ITFG2: variants seen among roughly 807,000 people sequenced by gnomAD.
ITFG2 encodes the protein integrin alpha FG-GAP repeat containing 2, also known as KICSTOR complex protein ITFG2.
Under a neutral mutation model 54.4 loss-of-function variants are expected in ITFG2, and 36 were observed. That is an observed-to-expected ratio of 0.66 (90% CI 0.51 to 0.87). The LOEUF is 0.87. ITFG2 is among the 40% of genes least tolerant of loss of function. The pLI is 0.00. For missense variants in ITFG2, 524 were observed against 576.7 expected, an observed-to-expected ratio of 0.91 and a Z score of 0.94; for synonymous variants, 211 against 225.4, an observed-to-expected ratio of 0.94 and a Z score of 0.57.
At chr12:2,832,960 G>C (rs1302842682), upstream of ITFG2, among the ~76,000 whole-genome samples, 1 of 151,946 alleles carries the variant, frequency 6.6e-6, no homozygotes, top group East Asian at 2.0e-4. Flanking sequence ...GGAGAGACTG[G>C]CTCTGCACTT....
At chr12:2,820,628 G>GGGCCCCCCCCCC in intron 5 of ITFG2, 96 bp from the exon 6 acceptor site, 1 of 251,778 alleles carries the variant, frequency 4.0e-6, no homozygotes, top group Non-Finnish European at 7.9e-6. Context: ...CCCTGCCCCT[G>GGGCCCCCCCCCC]CCCCCGCCCC....
intron 2 of ITFG2, chr12:2,830,567 T>A: frequency 1.2e-6 from 1 of 842,438 alleles, no homozygotes; most frequent in Non-Finnish European, 1.8e-6. Flanking sequence ...AGGTAGAGGA[T>A]CCTGGTTAGG....
intron 2 of ITFG2, chr12:2,856,833 C>G (rs1267513907): frequency 4.6e-6 from 3 of 658,208 alleles, no homozygotes; most frequent in East Asian, 2.7e-5. Flanking sequence ...AAGGGGAAGA[C>G]AGCAGAAAAT....
intron 2 of ITFG2, 150 bp downstream of exon 2, chr12:2,817,468 G>C (rs755715039): frequency 4.1e-5 from 25 of 608,438 alleles, no homozygotes; most frequent in Non-Finnish European, 7.0e-5. Context: ...ATTTGATTCA[G>C]GGAGGGCAGC....
chr12:2,851,407 A>G (rs1351160476), intron 2 of ITFG2, among the ~76,000 whole-genome samples: 2 of 152,126 alleles, frequency 1.3e-5, no homozygotes, highest in African/African-American at 2.4e-5. Context: ...AGTGGCCATG[A>G]TCTTGGCTCA....
In ITFG2 at chr12:2,824,406, T is replaced by C; in HGVS notation, c.*213T>C. On this transcript the variant is annotated 3_prime_UTR_variant, in exon 12 of 12. Transcript: ENST00000228799. ...AAGAGACAAGTTGACCCTCTGCCCA[T>C]TTCCTTATGGACCTCACCCATCATG... The C allele has an allele frequency of 1.6e-6, 1 of 631,330 alleles. No individual in the cohort carries two copies. The highest frequency in any genetic ancestry group is 2.9e-6 in the Non-Finnish European group (1 of 344,358). The allele number at this position is 631,330 out of a possible 1,614,324, so 39.1% of individuals were successfully genotyped here. A position where few individuals can be genotyped will look rare whatever the true frequency, so the allele number is the denominator to read the frequency against.
At chr12:2,856,754 G>C (rs1765556065) in intron 2 of ITFG2, among the ~76,000 whole-genome samples, 2 of 152,190 alleles carry the variant, frequency 1.3e-5, no homozygotes, top group Admixed American at 6.5e-5. Context: ...GGTGGGGCTG[G>C]GAGATGTGGC....
chr12:2,830,619 C>T, intron 2 of ITFG2: 2 of 1,389,938 alleles, frequency 1.4e-6, no homozygotes. Flanking sequence ...CTCCCTCCCT[C>T]TCCCATCAGG....
At chr12:2,857,228 A>G in intron 2 of ITFG2, 2 of 590,816 alleles carry the variant, frequency 3.4e-6, no homozygotes, top group Middle Eastern at 4.5e-4. Context: ...CACTTTCTTC[A>G]AGTTCTGACT....
upstream of ITFG2, among the ~76,000 whole-genome samples, chr12:2,836,515 CTT>C (rs917520510): frequency 7.9e-5 from 12 of 152,208 alleles, no homozygotes; most frequent in Admixed American, 2.0e-4. Flanking sequence ...CTTTGAGACA[CTT>C]TCACAACCAC....
intron 1 of ITFG2, among the ~76,000 whole-genome samples, chr12:2,838,923 G>A (rs997821785): frequency 6.6e-5 from 10 of 151,972 alleles, no homozygotes; most frequent in South Asian, 2.1e-4. Context: ...GAGGCTAGGC[G>A]AGCGGCCCGG....
At chr12:2,843,511 G>C (rs977978979) in intron 2 of ITFG2, among the ~76,000 whole-genome samples, 1 of 152,206 alleles carries the variant, frequency 6.6e-6, no homozygotes, top group African/African-American at 2.4e-5. Flanking sequence ...AGAGGGGCCT[G>C]ATCAAGAGTT....
At position 2,822,931 on chromosome 12, in the gene ITFG2, C is replaced by A; in HGVS notation, c.1066+20C>A. On this transcript the variant is annotated intron_variant, in intron 10 of 11. Coordinates refer to ENST00000228799, the MANE Select transcript of ITFG2 (RefSeq NM_018463.4). ...GTGCAGGTGACCCCCGCCCCCATGG[C>A]CCCTTTCTAACCACACTTAAGTTAG... is the stretch of plus-strand genomic sequence containing the variant. The A allele has an allele frequency of 6.3e-7, 1 of 1,585,336 alleles. No homozygotes were observed. The highest frequency in any genetic ancestry group is 8.7e-7 in the Non-Finnish European group (1 of 1,153,910).
rs35125854 is a variant in ITFG2 at position 2,850,978 on chromosome 12, CTTTTTTT to C, written n.301-7016_301-7010del. 1.6e-4 allele frequency among the ~76,000 whole-genome samples: 13 copies of C among 81,668 alleles called. No homozygotes were observed. The South Asian group carries it at 5.5e-3, about 35-fold the overall frequency. The allele number at this position is 81,668 out of a possible 152,430, so 53.6% of individuals were successfully genotyped here. ...TGAGCCAACACACCAGGCCCAGAGT[CTTTTTTT>C]TTTTTTTTTTTTTTTTTGAGACAGA... On this transcript the variant is annotated intron_variant and non_coding_transcript_variant, in intron 2 of 3. Coordinates refer to the ITFG2 transcript ENST00000537710.
Position 2,824,357 on chromosome 12 carries a change from A to T in ITFG2, c.*164A>T. On this transcript the variant is annotated 3_prime_UTR_variant, in exon 12 of 12. Transcript: ENST00000228799. ...GCCCTAGGGTGACCGTGAACTATAG[A>T]CCTCGCAGTCTTTTCGGTGAAAGAA... 1.3e-6 allele frequency: 1 copy of T among 752,026 alleles called. No individual in the cohort carries two copies. The highest frequency in any genetic ancestry group is 1.7e-5 in the African/African-American group (1 of 58,144). The allele number at this position is 752,026 out of a possible 1,614,324, so 46.6% of individuals were successfully genotyped here. A position where few individuals can be genotyped will look rare whatever the true frequency, so the allele number is the denominator to read the frequency against.
At chr12:2,827,534 ACT>A, downstream of ITFG2, 3 of 1,594,776 alleles carry the variant, frequency 1.9e-6, no homozygotes, top group Non-Finnish European at 2.6e-6. The surrounding 1 kb of genome is among the most constrained non-coding windows in gnomAD (Gnocchi z 4.0). Context: ...TCTCTAAGTC[ACT>A]CTCATCAGAA....
chr12:2,857,940 C>G (rs1003631125), intron 2 of ITFG2: 1 of 152,538 alleles, frequency 6.6e-6, no homozygotes, highest in African/African-American at 2.4e-5. Context: ...TCAGTTGCAT[C>G]CATCCTCCCA....
At position 2,817,115 on chromosome 12, in the gene ITFG2, G is replaced by A. The variant is rs538494819; in HGVS notation, c.97-108G>A. ...CCAGACTTTTAATAAAGTAGATGAA[G>A]ATACAAGTTGAGGTCTTGTGATTAC... On this transcript the variant is annotated intron_variant, in intron 1 of 11. Coordinates refer to ENST00000228799, the MANE Select transcript of ITFG2 (RefSeq NM_018463.4). 2.0e-4 allele frequency: 136 copies of A among 666,480 alleles called. 2 individuals carry two copies. The South Asian group carries it at 2.2e-3, about 11-fold the overall frequency. 41.3% of individuals were successfully genotyped at this position (666,480 alleles called of 1,614,324 possible). A position where few individuals can be genotyped will look rare whatever the true frequency, so the allele number is the denominator to read the frequency against.
intron 2 of ITFG2, chr12:2,849,299 G>T (rs1352583875): frequency 1.3e-6 from 2 of 1,536,158 alleles, no homozygotes; most frequent in South Asian, 1.2e-5. Flanking sequence ...TTGGAGAGAT[G>T]GTGGAGGGGT....
Sources: gnomAD v4.1 joint callset for allele counts (sites outside exome capture counted in the v4.1 genomes callset) on GRCh38, gnomAD v4.1.1 for gene constraint, Gnocchi (gnomAD v3.1) non-coding constraint, MANE v1.5 for transcripts, NCBI Gene and HGNC (gene_info 2026-07-23, HGNC 2026-07-21) for gene names.